The following ANKS1B variants were observed in gnomAD, a reference collection of about 807,000 sequenced individuals.
ANKS1B encodes ankyrin repeat and sterile alpha motif domain-containing protein 1B.
In ANKS1B, 36 loss-of-function variants were observed where a neutral mutation model predicts 148.3. The ratio of observed to expected loss-of-function variants is 0.24; its 90% confidence interval spans 0.19 to 0.32. The LOEUF is 0.32. ANKS1B is among the 10% of genes least tolerant of loss of function. ANKS1B has a pLI of 1.00. For synonymous variants in ANKS1B, 542 were observed against 560.8 expected (o/e 0.97, Z 0.47); for missense variants, 1,157 against 1,542.6 (o/e 0.75, Z 4.19).
chr12:99,670,302 AATTTCCTAATTCATAAT>A (rs72048755), intron 8 of ANKS1B, among the ~76,000 whole-genome samples: 2,906 of 152,166 alleles, frequency 0.019, 106 homozygotes, highest in African/African-American at 0.066. Context: ...TTGTCTTGCC[AATTTCCTAATTCATAAT>A]AAATAGATGG....
intron 17 of ANKS1B, among the ~76,000 whole-genome samples, chr12:98,935,192 G>T (rs1039766645): frequency 1.3e-5 from 2 of 152,150 alleles, no homozygotes; most frequent in Non-Finnish European, 1.5e-5. Context: ...ATCATCAAAG[G>T]ATGTTGAATT....
At chr12:98,830,940 ATTTTTTTTTTT>A (rs762642387) in intron 18 of ANKS1B, 2 of 45,528 alleles carry the variant, frequency 4.4e-5, no homozygotes, top group Non-Finnish European at 7.7e-5. Context: ...CTACCTCATA[ATTTTTTTTTTT>A]TTTTTTTTTT....
chr12:99,158,153 C>A (rs2076278018), intron 14 of ANKS1B, among the ~76,000 whole-genome samples: 1 of 152,136 alleles, frequency 6.6e-6, no homozygotes, highest in African/African-American at 2.4e-5. Flanking sequence ...TGAGTCAAAT[C>A]TCTAAAAGAA....
At chr12:99,500,889 T>C (rs1271914723) in intron 10 of ANKS1B, among the ~76,000 whole-genome samples, 2 of 152,172 alleles carry the variant, frequency 1.3e-5, no homozygotes, top group African/African-American at 4.8e-5. Context: ...TTGCAGTATA[T>C]CTTTCAAGTC....
At chr12:99,349,543 T>C (rs1394512599) in intron 12 of ANKS1B, among the ~76,000 whole-genome samples, 1 of 151,936 alleles carries the variant, frequency 6.6e-6, no homozygotes, top group Non-Finnish European at 1.5e-5. Flanking sequence ...ACTAATATCA[T>C]ACAAAATGTA....
intron 1 of ANKS1B, among the ~76,000 whole-genome samples, chr12:99,873,116 A>G (rs1443243040): frequency 6.6e-6 from 1 of 152,174 alleles, no homozygotes; most frequent in East Asian, 1.9e-4. Flanking sequence ...TAAATGCAAT[A>G]ATGCATGTCA....
chr12:98,946,973 T>G (rs1169424173), intron 17 of ANKS1B, among the ~76,000 whole-genome samples: 6 of 148,048 alleles, frequency 4.1e-5, no homozygotes, highest in African/African-American at 5.0e-5. Context: ...AAAAAGTGTG[T>G]TTTGAGTAGA....
In ANKS1B at chr12:98,905,664, C is replaced by T. The variant is rs559418096; in HGVS notation, c.2779-73528G>A. 6.6e-5 allele frequency among the ~76,000 whole-genome samples: 10 copies of T among 151,796 alleles called. No homozygotes were observed. In the South Asian group the frequency reaches 1.0e-3, roughly 16 times the overall value. ...GTGCACACCTGTAGTCCCAGCTGTC[C>T]GGGAGGGTGAGGCAAGAGGATCACT... On this transcript the variant is annotated intron_variant, in intron 17 of 26. Transcript: ENST00000683438.
intron 17 of ANKS1B, among the ~76,000 whole-genome samples, chr12:98,964,052 C>T (rs1343425538): frequency 6.6e-6 from 1 of 151,838 alleles, no homozygotes; most frequent in Non-Finnish European, 1.5e-5. Flanking sequence ...GAGTCGAGAT[C>T]GTGCCATTGC....
intron 17 of ANKS1B, among the ~76,000 whole-genome samples, chr12:98,867,190 G>A (rs916914414): frequency 6.6e-6 from 1 of 152,136 alleles, no homozygotes; most frequent in African/African-American, 2.4e-5. Context: ...CAGTGACTAT[G>A]GGTTAGGATG....
chr12:99,824,084 T>C (rs905904821), intron 2 of ANKS1B, among the ~76,000 whole-genome samples: 12 of 152,228 alleles, frequency 7.9e-5, no homozygotes, highest in Admixed American at 2.6e-4. Context: ...GCTCTTTTTT[T>C]AAATTCAAAA....
At chr12:98,883,318 C>G (rs148247767) in intron 17 of ANKS1B, among the ~76,000 whole-genome samples, 21 of 152,306 alleles carry the variant, frequency 1.4e-4, no homozygotes, top group African/African-American at 5.1e-4. Flanking sequence ...CTTCTGAGGT[C>G]CAAAATTCAG....
chr12:99,933,038 C>T (rs1362750941), intron 1 of ANKS1B, among the ~76,000 whole-genome samples: 1 of 152,020 alleles, frequency 6.6e-6, no homozygotes, highest in African/African-American at 2.4e-5. Flanking sequence ...CCCCAATGTA[C>T]GTTCTGGCAC....
intron 12 of ANKS1B, among the ~76,000 whole-genome samples, chr12:99,325,019 G>C (rs1038100000): frequency 6.6e-6 from 1 of 152,084 alleles, no homozygotes; most frequent in Non-Finnish European, 1.5e-5. Context: ...AATCAGATAT[G>C]CCGTATATGT....
chr12:99,464,202 C>A (rs959268832), intron 10 of ANKS1B, among the ~76,000 whole-genome samples: 2 of 152,152 alleles, frequency 1.3e-5, no homozygotes, highest in African/African-American at 4.8e-5. Context: ...GGACCTCTAG[C>A]AAACTCCAAC....
intron 17 of ANKS1B, among the ~76,000 whole-genome samples, chr12:98,879,631 T>TA (rs2099701388): frequency 6.6e-6 from 1 of 152,288 alleles, no homozygotes; most frequent in African/African-American, 2.4e-5. Flanking sequence ...CTATTCCTCT[T>TA]ACGTTTTTGT....
chr12:98,954,761 A>G (rs1227569047), intron 17 of ANKS1B, among the ~76,000 whole-genome samples: 1 of 152,226 alleles, frequency 6.6e-6, no homozygotes, highest in Non-Finnish European at 1.5e-5. Flanking sequence ...TACAAGTGTT[A>G]TAGATGACTC....
intron 12 of ANKS1B, among the ~76,000 whole-genome samples, chr12:99,282,839 A>T (rs1006353803): frequency 6.6e-6 from 1 of 152,220 alleles, no homozygotes; most frequent in Non-Finnish European, 1.5e-5. Context: ...CCTACTAGAC[A>T]TTCAAATGGA....
At chr12:99,942,653 C>T (rs952829706) in intron 1 of ANKS1B, among the ~76,000 whole-genome samples, 2 of 151,866 alleles carry the variant, frequency 1.3e-5, no homozygotes, top group African/African-American at 4.8e-5. Flanking sequence ...AGGCATAAAT[C>T]AAAGATGCAT....
Sources: gnomAD v4.1 joint callset for allele counts (sites outside exome capture counted in the v4.1 genomes callset) on GRCh38, gnomAD v4.1.1 for gene constraint, MANE v1.5 for transcripts, NCBI Gene and HGNC (gene_info 2026-07-23, HGNC 2026-07-21) for gene names.